The following ERBIN variants were observed in gnomAD, a reference collection of about 807,000 sequenced individuals.
The protein encoded by ERBIN is erbb2 interacting protein, also known as densin-180-like protein.
A neutral mutation model predicts 158.4 loss-of-function variants in ERBIN; 60 were observed. That is an observed-to-expected ratio of 0.38 (90% CI 0.31 to 0.47). The LOEUF is 0.47. Among genes scored for constraint, ERBIN ranks in the 20% least tolerant of loss-of-function variants. The pLI, the probability that ERBIN is intolerant of heterozygous loss-of-function variation, is 0.99. For synonymous variants in ERBIN, 594 were observed against 557.2 expected (o/e 1.07, Z -0.93); for missense variants, 1,610 against 1,648.0 (o/e 0.98, Z 0.40).
intron 14 of ERBIN, among the ~76,000 whole-genome samples, chr5:66,033,769 C>T (rs1226924632): frequency 2.0e-5 from 3 of 151,962 alleles, no homozygotes; most frequent in Non-Finnish European, 4.4e-5. Context: ...TTTAATATTG[C>T]AGAGCATGTT....
chr5:66,025,664 GTAAT>G, intron 11 of ERBIN, 112 bp downstream of exon 11: 1 of 944,218 alleles, frequency 1.1e-6, no homozygotes, highest in South Asian at 1.5e-5. Flanking sequence ...AAACATTTAA[GTAAT>G]TAGTATACAG....
chr5:65,975,996 A>G (rs1473557446), intron 1 of ERBIN, among the ~76,000 whole-genome samples: 1 of 152,212 alleles, frequency 6.6e-6, no homozygotes, highest in Non-Finnish European at 1.5e-5. Context: ...GGGCTCCCTA[A>G]GTCATGCATA....
At chr5:65,951,967 A>G (rs1292259788) in intron 1 of ERBIN, among the ~76,000 whole-genome samples, 1 of 152,182 alleles carries the variant, frequency 6.6e-6, no homozygotes, top group Non-Finnish European at 1.5e-5. Context: ...ACAACATGTC[A>G]TCGTGGATTT....
At position 66,012,101 on chromosome 5, in the gene ERBIN, G is replaced by A. The variant is rs369427319; in HGVS notation, c.360G>A (p.Val120=). ...AAAATTGTAAAGTTTTGACAATTGTGGAGGCCAGTGTAAACCCTATTTCCA... is the reference window on the plus strand; with the variant it reads ...AAAATTGTAAAGTTTTGACAATTGTAGAGGCCAGTGTAAACCCTATTTCCA... ...NIKNCKVLTI[V]EASVNPISKL... Residue 120 remains valine (V), a synonymous_variant, in exon 5 of 26, where the codon GTG becomes GTA. Transcript: ENST00000284037. 41 of 1,606,376 alleles carry A rather than the reference G, an allele frequency of 2.6e-5. No homozygotes were observed. In the African/African-American group the frequency reaches 3.5e-4, roughly 14 times the overall value.
chr5:65,942,471 G>C (rs57233801), intron 1 of ERBIN, among the ~76,000 whole-genome samples: 1 of 152,162 alleles, frequency 6.6e-6, no homozygotes, highest in African/African-American at 2.4e-5. Flanking sequence ...TCTCTTTGGC[G>C]GACGCCAGTT....
chr5:66,014,258 A>G (rs116432626), intron 6 of ERBIN, among the ~76,000 whole-genome samples: 1,762 of 152,210 alleles, frequency 0.012, 31 homozygotes, highest in Middle Eastern at 0.065. Flanking sequence ...TTTTAGTGGA[A>G]TGTACATCAA....
chr5:66,050,852 G>A lies in ERBIN; in HGVS notation c.1973G>A (p.Cys658Tyr). Residue 658 changes from cysteine to tyrosine, a missense_variant, in exon 20 of 26, where the codon TGT (cysteine) becomes TAT (tyrosine). Cys to Tyr is a radical substitution (Grantham distance 194). Around this residue, in one of 2 missense-constraint regions of ERBIN, gnomAD observed 1,014 missense variants for 936.1 expected, o/e 1.08. Coordinates refer to ENST00000284037, the MANE Select transcript of ERBIN (RefSeq NM_001253697.2). ...AATAGCAATCAGAATAACAGCAATT[G>A]TTCTTCTCCATCTCGGATGTCTGAT... ...THNSNQNNSN[C>Y]SSPSRMSDSV... is the part of the protein sequence containing the mutation. The A allele has an allele frequency of 6.2e-7, 1 of 1,601,830 alleles. No homozygotes were observed. The highest frequency in any genetic ancestry group is 8.5e-7 in the Non-Finnish European group (1 of 1,175,504).
intron 1 of ERBIN, among the ~76,000 whole-genome samples, chr5:65,968,212 G>A (rs1013311515): frequency 6.6e-6 from 1 of 152,150 alleles, no homozygotes; most frequent in Non-Finnish European, 1.5e-5. Flanking sequence ...GTTGGTTAGG[G>A]ATTAAGTTCT....
intron 4 of ERBIN, among the ~76,000 whole-genome samples, chr5:66,007,658 T>C (rs1753760720): frequency 6.6e-6 from 1 of 152,196 alleles, no homozygotes; most frequent in Admixed American, 6.5e-5. Context: ...GAGAAGCTAG[T>C]CAAATGAAAA....
At position 66,054,115 on chromosome 5, in the gene ERBIN, T is replaced by A; in HGVS notation, c.2797T>A (p.Ser933Thr). 10 of 1,614,190 alleles carry A rather than the reference T, an allele frequency of 6.2e-6. No homozygotes were observed. The highest frequency in any genetic ancestry group is 8.5e-6 in the Non-Finnish European group (10 of 1,180,030). ...PLQVFTGSSS[S>T]SDLISGTKAI... ...GCAGGTATTTACTGGTTCTTCCTCA[T>A]CTTCTGATTTAATATCAGGAACAAA... The change falls in exon 21 of 26, where the codon TCT becomes ACT. Residue 933 changes from serine (S) to threonine (T), a missense_variant. Ser to Thr is a moderately conservative substitution (Grantham distance 58). Around this residue, in one of 2 missense-constraint regions of ERBIN, gnomAD observed 1,014 missense variants for 936.1 expected, o/e 1.08. Transcript: ENST00000284037.
At position 66,054,509 on chromosome 5, in the gene ERBIN, G is replaced by T; in HGVS notation, c.3191G>T (p.Arg1064Leu). Residue 1064 changes from arginine (R) to leucine (L), a missense_variant, in exon 21 of 26, where the codon CGA becomes CTA. Coordinates refer to ENST00000284037, the MANE Select transcript of ERBIN (RefSeq NM_001253697.2). ...GEMWAISPND[R>L]LIPAVTRSTI... The stretch of plus-strand genomic sequence containing the variant: ...ATGTGGGCCATCTCACCAAACGACC[G>T]ACTTATTCCTGCAGTAACTCGAAGT... 1 of 1,614,124 alleles carries T rather than the reference G, an allele frequency of 6.2e-7. No individual in the cohort carries two copies. Among genetic ancestry groups the T allele is most frequent in the South Asian group, 1.1e-5 (1 of 91,066 alleles).
chr5:66,059,443 A>G (rs1158169557), intron 21 of ERBIN, among the ~76,000 whole-genome samples: 1 of 152,206 alleles, frequency 6.6e-6, no homozygotes, highest in African/African-American at 2.4e-5. Flanking sequence ...TTGGGCTGAG[A>G]TGATAGGGTT....
intron 24 of ERBIN, 141 bp from the exon 25 acceptor site, chr5:66,076,734 T>TA (rs1162931116): frequency 3.0e-6 from 2 of 659,832 alleles, no homozygotes; most frequent in South Asian, 1.8e-5. Context: ...ACTAGTTTGT[T>TA]ACAGTATTAC....
intron 15 of ERBIN, among the ~76,000 whole-genome samples, chr5:66,042,037 A>G (rs1757966041): frequency 1.3e-5 from 2 of 152,048 alleles, no homozygotes; most frequent in Admixed American, 6.6e-5. Context: ...TTTGGGTATG[A>G]GATTTTAAAA....
chr5:65,961,553 G>A (rs1192510639), intron 1 of ERBIN, among the ~76,000 whole-genome samples: 4 of 152,132 alleles, frequency 2.6e-5, no homozygotes, highest in African/African-American at 9.7e-5. Context: ...TTAATTTGTG[G>A]TTGATCCATG....
At chr5:66,040,490 A>G (rs1242043289) in intron 15 of ERBIN, among the ~76,000 whole-genome samples, 3 of 151,926 alleles carry the variant, frequency 2.0e-5, no homozygotes, top group Non-Finnish European at 4.4e-5. Flanking sequence ...AGAATGGAAG[A>G]GTTTCTAATA....
chr5:65,930,697 T>A (rs1743256637), intron 1 of ERBIN, among the ~76,000 whole-genome samples: 1 of 152,218 alleles, frequency 6.6e-6, no homozygotes, highest in Non-Finnish European at 1.5e-5. Flanking sequence ...AGGTTGTTAT[T>A]TATTCTTATG....
intron 21 of ERBIN, among the ~76,000 whole-genome samples, chr5:66,059,782 C>T (rs1394642907): frequency 2.6e-5 from 4 of 152,078 alleles, no homozygotes; most frequent in Admixed American, 1.3e-4. Context: ...TTTTTCTGCA[C>T]CTATTGAGAT....
intron 13 of ERBIN, among the ~76,000 whole-genome samples, chr5:66,027,516 A>G (rs1355479086): frequency 6.6e-6 from 1 of 152,058 alleles, no homozygotes; most frequent in African/African-American, 2.4e-5. Flanking sequence ...CAGATCAGAA[A>G]TATTTGGAAA....
Sources: gnomAD v4.1 joint callset for allele counts (sites outside exome capture counted in the v4.1 genomes callset) on GRCh38, gnomAD v4.1.1 for gene constraint, gnomAD v4.1.1 regional missense constraint, MANE v1.5 for transcripts, NCBI Gene and HGNC (gene_info 2026-07-23, HGNC 2026-07-21) for gene names.